DEPTOR: variants seen among roughly 807,000 people sequenced by gnomAD.
DEPTOR encodes the protein DEP domain-containing mTOR-interacting protein.
Under a neutral mutation model 41.6 loss-of-function variants are expected in DEPTOR, and 41 were observed. That is an observed-to-expected ratio of 0.98 (90% CI 0.77 to 1.28). The LOEUF is 1.28. DEPTOR is among the 50% of genes most tolerant of loss of function. DEPTOR has a pLI of 0.00. For missense variants in DEPTOR, 514 were observed against 527.9 expected (o/e 0.97, Z 0.26); for synonymous variants, 195 against 192.3 (o/e 1.01, Z -0.12).
rs143020450 is a variant in DEPTOR, at chr8:120,020,884, C to T, written c.1101+11751C>T. Among the ~76,000 whole-genome samples, 166 of 151,808 alleles carry T rather than the reference C, an allele frequency of 1.1e-3. 2 individuals carry two copies. The East Asian group carries it at 0.018, about 16-fold the overall frequency. On this transcript the variant is annotated intron_variant, in intron 8 of 8. Coordinates refer to ENST00000286234, the MANE Select transcript of DEPTOR (RefSeq NM_022783.4). ...GACCAGCCTGGCCAATGTGGCGAAA[C>T]GCTGTCTCTACTAAAAATACAAAAA...
chr8:119,961,807 A>G (rs1828496408), intron 3 of DEPTOR, among the ~76,000 whole-genome samples: 1 of 152,186 alleles, frequency 6.6e-6, no homozygotes, highest in South Asian at 2.1e-4. Flanking sequence ...GTATATTATT[A>G]TTAGTTTCAA....
chr8:119,890,029 A>G (rs1827431494), intron 1 of DEPTOR, among the ~76,000 whole-genome samples: 1 of 152,038 alleles, frequency 6.6e-6, no homozygotes. Flanking sequence ...CAGTGGTGCA[A>G]TCTTGGCTCA....
intron 3 of DEPTOR, among the ~76,000 whole-genome samples, chr8:119,945,995 C>T (rs1181138778): frequency 1.3e-5 from 2 of 152,146 alleles, no homozygotes; most frequent in African/African-American, 2.4e-5. Context: ...GCTTTGTCCA[C>T]GCAAACCAAG....
chr8:119,914,832 A>G (rs1827792562), intron 1 of DEPTOR, among the ~76,000 whole-genome samples: 1 of 152,236 alleles, frequency 6.6e-6, no homozygotes, highest in Admixed American at 6.5e-5. Flanking sequence ...GTGTTTTACA[A>G]GCCCTTCAGG....
At chr8:119,989,279 G>C (rs1828869259) in intron 4 of DEPTOR, among the ~76,000 whole-genome samples, 1 of 152,072 alleles carries the variant, frequency 6.6e-6, no homozygotes, top group African/African-American at 2.4e-5. Context: ...AGGATTACAG[G>C]CAGGAGCCAC....
chr8:119,878,410 C>G (rs1423510522), intron 1 of DEPTOR, among the ~76,000 whole-genome samples: 2 of 151,696 alleles, frequency 1.3e-5, no homozygotes, highest in Admixed American at 6.6e-5. Context: ...ACCTTCGCCT[C>G]CCAGGTTCAA....
intron 4 of DEPTOR, among the ~76,000 whole-genome samples, chr8:119,979,096 A>G (rs1260372826): frequency 1.3e-5 from 2 of 152,204 alleles, no homozygotes; most frequent in Non-Finnish European, 2.9e-5. Flanking sequence ...CGGTATGAAG[A>G]TGAAATTTAA....
At chr8:119,963,330 G>A (rs1192925429) in intron 3 of DEPTOR, among the ~76,000 whole-genome samples, 3 of 151,924 alleles carry the variant, frequency 2.0e-5, no homozygotes, top group African/African-American at 4.8e-5. Context: ...GCAGTGGTCA[G>A]TACCTTCTAC....
At position 120,049,698 on chromosome 8, in the gene DEPTOR, G is replaced by A. The variant is rs759982539; in HGVS notation, c.1224G>A (p.Glu408=). ...TCATGGAAGTCATGGAGGAGTTAGA[G>A]TGCTGAGCTCCTGGGCCTCCCAGCC... ...TIVMEVMEEL[E]C The change falls in exon 9 of 9, where the codon GAG becomes GAA. Residue 408 remains glutamate (E), a synonymous_variant. Coordinates refer to ENST00000286234, the MANE Select transcript of DEPTOR (RefSeq NM_022783.4). 1 of 1,613,898 alleles carries A rather than the reference G, an allele frequency of 6.2e-7. No individual in the cohort carries two copies. Among genetic ancestry groups the A allele is most frequent in the South Asian group, 1.1e-5 (1 of 91,064 alleles).
chr8:119,982,043 C>G (rs1472259039), intron 4 of DEPTOR, among the ~76,000 whole-genome samples: 2 of 113,874 alleles, frequency 1.8e-5, no homozygotes, highest in East Asian at 2.7e-4. Flanking sequence ...AAAAAAAATT[C>G]TAGTTTTCAT....
chr8:120,014,574 C>A (rs1812581742), intron 8 of DEPTOR, among the ~76,000 whole-genome samples: 1 of 151,982 alleles, frequency 6.6e-6, no homozygotes, highest in Non-Finnish European at 1.5e-5. Context: ...GTTGCCCAAG[C>A]TGGAGTGCAG....
chr8:119,962,456 G>C (rs1402888021), intron 3 of DEPTOR, among the ~76,000 whole-genome samples: 1 of 152,074 alleles, frequency 6.6e-6, no homozygotes, highest in East Asian at 1.9e-4. Context: ...GGGTGTGGTG[G>C]GGAGAAGAGA....
At chr8:119,941,485 G>A (rs1828203588) in intron 3 of DEPTOR, among the ~76,000 whole-genome samples, 1 of 151,948 alleles carries the variant, frequency 6.6e-6, no homozygotes, top group African/African-American at 2.4e-5. Context: ...AAAAAGGCAG[G>A]GAGTGGGGAA....
chr8:119,984,841 C>T (rs1410887647), intron 4 of DEPTOR, among the ~76,000 whole-genome samples: 1 of 152,116 alleles, frequency 6.6e-6, no homozygotes, highest in Non-Finnish European at 1.5e-5. Flanking sequence ...GAGGAATTGC[C>T]ACACTGTCTT....
At chr8:119,890,595 G>T (rs897046582) in intron 1 of DEPTOR, among the ~76,000 whole-genome samples, 1 of 152,138 alleles carries the variant, frequency 6.6e-6, no homozygotes, top group African/African-American at 2.4e-5. Flanking sequence ...GAGCCACCGT[G>T]CCTGGCCTAT....
At chr8:119,965,091 A>C in intron 3 of DEPTOR, 141 bp from the exon 4 acceptor site, 2 of 923,826 alleles carry the variant, frequency 2.2e-6, no homozygotes, top group Non-Finnish European at 3.1e-6. Flanking sequence ...GAAAAAAGAA[A>C]TTACATGTGT....
intron 3 of DEPTOR, among the ~76,000 whole-genome samples, chr8:119,957,513 T>C (rs763282351): frequency 4.6e-5 from 7 of 151,902 alleles, no homozygotes; most frequent in Non-Finnish European, 8.8e-5. Context: ...TATTTGAGGG[T>C]CAAAAGAAAT....
intron 1 of DEPTOR, among the ~76,000 whole-genome samples, chr8:119,885,847 T>C (rs115468695): frequency 0.019 from 2,832 of 152,330 alleles, 86 homozygotes; most frequent in African/African-American, 0.063. Context: ...TCTATCCATC[T>C]GTCAATTAAT....
intron 8 of DEPTOR, among the ~76,000 whole-genome samples, chr8:120,016,446 G>A (rs577484282): frequency 3.3e-5 from 5 of 151,958 alleles, no homozygotes; most frequent in African/African-American, 1.2e-4. Flanking sequence ...TTACAGGTGT[G>A]TACCACCACA....
Sources: allele counts gnomAD v4.1 joint callset (sites outside exome capture counted in the v4.1 genomes callset), GRCh38; gene constraint gnomAD v4.1.1; transcripts MANE v1.5; gene names NCBI Gene and HGNC (gene_info 2026-07-23, HGNC 2026-07-21).